PCDHGA1: variants seen among roughly 807,000 people sequenced by gnomAD.
PCDHGA1 encodes the protein protocadherin gamma-A1.
PCDHGA1 carries 32 observed loss-of-function variants against 58.0 expected under a neutral mutation model. That is an observed-to-expected ratio of 0.55 (90% CI 0.42 to 0.74). The LOEUF (loss-of-function observed/expected upper bound fraction) is 0.74. Ranked by LOEUF, PCDHGA1 falls within the 30% of genes least tolerant of loss-of-function variation. PCDHGA1 has a pLI of 0.00. For synonymous variants in PCDHGA1, 498 were observed against 501.1 expected (o/e 0.99, Z 0.08); for missense variants, 1,205 against 1,182.3 (o/e 1.02, Z -0.28).
chr5:141,462,011 C>T (rs567038580), intron 1 of PCDHGA1, among the ~76,000 whole-genome samples: 32 of 152,182 alleles, frequency 2.1e-4, no homozygotes, highest in Admixed American at 5.9e-4. Flanking sequence ...TTAATAGAGA[C>T]GGGGTTTCTT....
intron 1 of PCDHGA1, chr5:141,360,281 A>G (rs1285317492): frequency 6.2e-7 from 1 of 1,613,728 alleles, no homozygotes; most frequent in Non-Finnish European, 8.5e-7. Context: ...GTCGTAGGAA[A>G]CCTCGCCAAG....
intron 1 of PCDHGA1, chr5:141,351,587 G>C (rs761994950): frequency 2.5e-6 from 4 of 1,613,988 alleles, no homozygotes; most frequent in Non-Finnish European, 3.4e-6. Context: ...CGACATCAAC[G>C]ACAATGCACC....
intron 1 of PCDHGA1, chr5:141,384,958 T>A: frequency 6.2e-7 from 1 of 1,613,954 alleles, no homozygotes; most frequent in Non-Finnish European, 8.5e-7. Context: ...TCCTTACAAC[T>A]ATGACCTCAC....
intron 1 of PCDHGA1, among the ~76,000 whole-genome samples, chr5:141,373,339 C>A (rs1769496946): frequency 6.6e-6 from 1 of 152,172 alleles, no homozygotes; most frequent in African/African-American, 2.4e-5. Context: ...TCTAAAATGG[C>A]AACTCTTGTA....
chr5:141,346,126 C>T (rs760517157), intron 1 of PCDHGA1: 3 of 1,613,808 alleles, frequency 1.9e-6, no homozygotes, highest in Non-Finnish European at 1.7e-6. Flanking sequence ...GTGGCGGTGG[C>T]CGCGGTCTCC....
In PCDHGA1 at chr5:141,409,393, T is replaced by C. The variant is rs539937433; in HGVS notation, c.2421+76288T>C. 4.8e-5 allele frequency: 77 copies of C among 1,614,062 alleles called. 1 individual carries two copies. In the East Asian group the frequency reaches 1.7e-3, roughly 35 times the overall value. On this transcript the variant is annotated intron_variant, in intron 1 of 3. Coordinates refer to ENST00000517417, the MANE Select transcript of PCDHGA1 (RefSeq NM_018912.3). ...ACATTCCATTCAAGATTTATTCTTC[T>C]TCCAATAACTACTACAAACTGGTGA...
Position 141,487,082 on chromosome 5 carries a change from G to A in PCDHGA1, c.2422-7725G>A, listed in dbSNP as rs2099639361. On this transcript the variant is annotated intron_variant, in intron 1 of 3. Transcript: ENST00000517417. The surrounding 1 kb of genome is among the most constrained non-coding windows in gnomAD (Gnocchi z 5.0). Reference sequence around the variant, plus strand: ...GCGGACGGCTGTTCCTATCCCAGCTGACCTCCCACCACAGAAGCTGGTCAT... The same window carrying A: ...GCGGACGGCTGTTCCTATCCCAGCTAACCTCCCACCACAGAAGCTGGTCAT... The A allele has an allele frequency of 8.1e-6, 13 of 1,614,056 alleles. No individual in the cohort carries two copies. The highest frequency in any genetic ancestry group is 1.1e-5 in the Non-Finnish European group (13 of 1,179,938).
intron 1 of PCDHGA1, chr5:141,411,017 A>C (rs140607036): frequency 6.2e-6 from 1 of 162,372 alleles, no homozygotes; most frequent in Non-Finnish European, 1.3e-5. Context: ...CCACAGCTAA[A>C]TTTTTTGTAT....
intron 1 of PCDHGA1, chr5:141,405,463 A>C: frequency 8.5e-7 from 1 of 1,181,354 alleles, no homozygotes. Flanking sequence ...TCTGTTACCC[A>C]GGCTGGAATG....
At chr5:141,466,281 C>T (rs555506496) in intron 1 of PCDHGA1, among the ~76,000 whole-genome samples, 76 of 152,252 alleles carry the variant, frequency 5.0e-4, no homozygotes, top group African/African-American at 1.7e-3. Context: ...AGCAATCTTC[C>T]CACCTCAGGC....
At chr5:141,383,314 A>C (rs1362079173) in intron 1 of PCDHGA1, 4 of 1,613,886 alleles carry the variant, frequency 2.5e-6, no homozygotes, top group Non-Finnish European at 8.5e-7. Flanking sequence ...GGAAGAAATA[A>C]ATGTAAAAAT....
intron 1 of PCDHGA1, chr5:141,393,882 T>G (rs1471060639): frequency 6.2e-7 from 1 of 1,614,028 alleles, no homozygotes; most frequent in South Asian, 1.1e-5. Flanking sequence ...TAGCCCAGTG[T>G]TAGAAAATTC....
At chr5:141,502,864 G>GTTTTTTTT in intron 2 of PCDHGA1, among the ~76,000 whole-genome samples, 3 of 61,566 alleles carry the variant, frequency 4.9e-5, no homozygotes, top group African/African-American at 2.4e-4. Context: ...CTGACTCTCT[G>GTTTTTTTT]TCTTTTTTTT....
chr5:141,355,288 C>G lies in PCDHGA1; in HGVS notation c.2421+22183C>G, dbSNP rs73265823. 2,688 of 1,613,834 alleles carry G rather than the reference C, an allele frequency of 1.7e-3. 40 individuals carry two copies. In the African/African-American group the frequency reaches 0.032, roughly 19 times the overall value. On this transcript the variant is annotated intron_variant, in intron 1 of 3. Transcript: ENST00000517417. The stretch of plus-strand genomic sequence containing the variant: ...GGTTCTGGTGGAAATCAGGGCCGAA[C>G]AGATTCTCTACTCGGTGTTTGAGGA...
At chr5:141,375,232 C>A in intron 1 of PCDHGA1, 1 of 1,613,986 alleles carries the variant, frequency 6.2e-7, no homozygotes, top group South Asian at 1.1e-5. Context: ...GCCTGGTAAC[C>A]TGTTCCATCC....
chr5:141,475,162 G>T (rs949339969), intron 1 of PCDHGA1, among the ~76,000 whole-genome samples: 2 of 152,034 alleles, frequency 1.3e-5, no homozygotes, highest in South Asian at 4.1e-4. Flanking sequence ...TTCTTCATTA[G>T]CAGTGCAACT....
chr5:141,501,292 C>CACAT (rs200296563), intron 2 of PCDHGA1, among the ~76,000 whole-genome samples: 14,029 of 50,334 alleles, frequency 0.28, 723 homozygotes, highest in Admixed American at 0.4. Flanking sequence ...TTCCCTTATA[C>CACAT]ACACACACAC....
intron 1 of PCDHGA1, chr5:141,344,599 C>T (rs779646542): frequency 6.2e-7 from 1 of 1,613,826 alleles, no homozygotes; most frequent in African/African-American, 1.3e-5. Context: ...TCTGAGGGGG[C>T]CAAGTATCCA....
rs565524310 is a variant in PCDHGA1, at chr5:141,375,830, G to A, written c.2421+42725G>A. The stretch of plus-strand genomic sequence containing the variant: ...CGTGGAGCTGGCGCCCCGCTCCGCA[G>A]AGCCCGGCTACCTGGTGACCAAGGT... On this transcript the variant is annotated intron_variant, in intron 1 of 3. Transcript: ENST00000517417. 6.8e-6 allele frequency: 11 copies of A among 1,614,152 alleles called. No homozygotes were observed. In the East Asian group the frequency reaches 2.2e-4, roughly 33 times the overall value.
Sources: allele counts gnomAD v4.1 joint callset (sites outside exome capture counted in the v4.1 genomes callset), GRCh38; gene constraint gnomAD v4.1.1; non-coding constraint Gnocchi (gnomAD v3.1); transcripts MANE v1.5; gene names NCBI Gene and HGNC (gene_info 2026-07-23, HGNC 2026-07-21).